MYRFL: variants seen among roughly 807,000 people sequenced by gnomAD.
The protein encoded by MYRFL is myelin regulatory factor-like protein.
MYRFL carries 88 observed loss-of-function variants against 109.4 expected under a neutral mutation model. The observed-to-expected ratio is 0.80, with a 90% CI of 0.68 to 0.96. The LOEUF is 0.96. Ranked by LOEUF, MYRFL falls within the 40% of genes least tolerant of loss-of-function variation. The probability of loss-of-function intolerance (pLI) is 0.00; values close to 1 mark genes in which losing one functional copy is unlikely to be tolerated. For synonymous variants in MYRFL, 324 were observed against 320.9 expected (o/e 1.01, Z -0.10); for missense variants, 957 against 954.9 (o/e 1.00, Z -0.03).
At chr12:69,849,697 C>G (rs530034866) in intron 1 of MYRFL, among the ~76,000 whole-genome samples, 15 of 152,278 alleles carry the variant, frequency 9.9e-5, no homozygotes, top group Admixed American at 6.5e-5. Flanking sequence ...TCATTTCAGA[C>G]TTTCTCTTTA....
intron 2 of MYRFL, among the ~76,000 whole-genome samples, chr12:69,868,662 A>G (rs1592727207): frequency 6.6e-6 from 1 of 152,276 alleles, no homozygotes; most frequent in East Asian, 1.9e-4. Flanking sequence ...TTGCTGCCAT[A>G]TCATGAAATG....
chr12:69,836,901 C>T (rs1412803797), intron 1 of MYRFL, among the ~76,000 whole-genome samples: 1 of 152,148 alleles, frequency 6.6e-6, no homozygotes, highest in Non-Finnish European at 1.5e-5. Flanking sequence ...CCAATATTAA[C>T]GTGTGTTTAT....
chr12:69,921,550 C>G (rs1156719850), intron 13 of MYRFL, among the ~76,000 whole-genome samples: 1 of 152,188 alleles, frequency 6.6e-6, no homozygotes. Flanking sequence ...GAAGTCAGAA[C>G]TCCAAATATT....
chr12:69,864,670 A>ACACACACAC (rs1884907919), intron 2 of MYRFL, among the ~76,000 whole-genome samples: 2 of 4,118 alleles, frequency 4.9e-4, no homozygotes, highest in Non-Finnish European at 1.1e-3. Flanking sequence ...CACACACACA[A>ACACACACAC]ACACACACAC....
intron 1 of MYRFL, among the ~76,000 whole-genome samples, chr12:69,835,169 A>G (rs1336117823): frequency 6.6e-6 from 1 of 152,194 alleles, no homozygotes; most frequent in Admixed American, 6.5e-5. Flanking sequence ...GTCTTTCAGG[A>G]AAGGCCGGGG....
intron 3 of MYRFL, 39 bp downstream of exon 3, chr12:69,879,134 C>G (rs1885883760): frequency 1.5e-6 from 1 of 675,646 alleles, no homozygotes; most frequent in Non-Finnish European, 2.7e-6. Context: ...GGCACTGTTG[C>G]TCTTCCTCCT....
At chr12:69,849,664 T>A (rs1330931463) in intron 1 of MYRFL, among the ~76,000 whole-genome samples, 1 of 152,250 alleles carries the variant, frequency 6.6e-6, no homozygotes, top group African/African-American at 2.4e-5. Context: ...GAAATTTTTC[T>A]CTGTTTATTC....
intron 18 of MYRFL, 49 bp downstream of exon 18, chr12:69,936,384 T>C: frequency 6.5e-7 from 1 of 1,532,698 alleles, no homozygotes; most frequent in South Asian, 1.2e-5. Flanking sequence ...AAGTGAACTG[T>C]TAACAGAAGA....
intron 1 of MYRFL, among the ~76,000 whole-genome samples, chr12:69,843,827 C>T (rs1366673955): frequency 6.6e-6 from 1 of 152,196 alleles, no homozygotes; most frequent in Non-Finnish European, 1.5e-5. Flanking sequence ...GCAGGGACAG[C>T]TTCTCTGACA....
intron 9 of MYRFL, among the ~76,000 whole-genome samples, chr12:69,895,750 G>A (rs1007832086): frequency 2.0e-5 from 3 of 152,124 alleles, no homozygotes; most frequent in African/African-American, 7.2e-5. Flanking sequence ...TTTTTCTAGA[G>A]TGACCACATG....
chr12:69,869,810 C>G (rs925881699), intron 2 of MYRFL, among the ~76,000 whole-genome samples: 3 of 152,118 alleles, frequency 2.0e-5, no homozygotes, highest in Admixed American at 1.3e-4. Flanking sequence ...GTCATGAGCA[C>G]AGTAGGCACT....
chr12:69,876,119 T>G (rs1290489401), intron 2 of MYRFL, among the ~76,000 whole-genome samples: 1 of 152,226 alleles, frequency 6.6e-6, no homozygotes, highest in Non-Finnish European at 1.5e-5. Context: ...TTATCTTTCT[T>G]TTCCAAGATT....
At chr12:69,843,461 G>GA (rs1883356834) in intron 1 of MYRFL, among the ~76,000 whole-genome samples, 1 of 152,238 alleles carries the variant, frequency 6.6e-6, no homozygotes, top group Non-Finnish European at 1.5e-5. Flanking sequence ...CACTGTTGGG[G>GA]AAAGTGATGA....
intron 13 of MYRFL, among the ~76,000 whole-genome samples, chr12:69,925,939 C>A (rs1386373672): frequency 6.6e-6 from 1 of 152,128 alleles, no homozygotes; most frequent in East Asian, 1.9e-4. Context: ...TGGAGTCTCA[C>A]TTCTAGCAGG....
chr12:69,887,093 G>C, intron 6 of MYRFL, 123 bp downstream of exon 6: 4 of 1,039,682 alleles, frequency 3.8e-6, no homozygotes, highest in Non-Finnish European at 5.5e-6. Context: ...GTGAGAAAGT[G>C]TCTGTCTTAC....
intron 13 of MYRFL, among the ~76,000 whole-genome samples, chr12:69,924,803 A>C (rs1056243896): frequency 1.3e-5 from 2 of 152,084 alleles, no homozygotes; most frequent in African/African-American, 4.8e-5. Context: ...TTTTTTGGTA[A>C]GTTTTCTTGA....
intron 13 of MYRFL, among the ~76,000 whole-genome samples, chr12:69,922,185 A>G (rs1954933328): frequency 6.6e-6 from 1 of 152,134 alleles, no homozygotes; most frequent in Non-Finnish European, 1.5e-5. Flanking sequence ...CTGCTGGTGG[A>G]CATCAGCTGA....
At chr12:69,917,820 T>C (rs74101393) in intron 13 of MYRFL, among the ~76,000 whole-genome samples, 3,879 of 151,638 alleles carry the variant, frequency 0.026, 155 homozygotes, top group African/African-American at 0.085. Context: ...TTTATTGACT[T>C]AAGGAAATCT....
At chr12:69,828,860 G>A (rs1026444009) in intron 1 of MYRFL, among the ~76,000 whole-genome samples, 4 of 152,084 alleles carry the variant, frequency 2.6e-5, no homozygotes, top group East Asian at 1.9e-4. Context: ...CTTAAAAATA[G>A]TTTATTAAAA....
Sources: allele counts gnomAD v4.1 joint callset (sites outside exome capture counted in the v4.1 genomes callset), GRCh38; gene constraint gnomAD v4.1.1; transcripts MANE v1.5; gene names NCBI Gene and HGNC (gene_info 2026-07-23, HGNC 2026-07-21).